GLI2: variants seen among roughly 807,000 people sequenced by gnomAD.
GLI2 encodes GLI family zinc finger 2.
In GLI2, 22 loss-of-function variants were observed where a neutral mutation model predicts 78.9. That is an observed-to-expected ratio of 0.28 (90% CI 0.20 to 0.40). The LOEUF is 0.40. Among genes scored for constraint, GLI2 ranks in the 10% least tolerant of loss-of-function variants. The pLI, the probability that GLI2 is intolerant of heterozygous loss-of-function variation, is 1.00. For missense variants in GLI2, 2,097 were observed against 2,213.2 expected, an observed-to-expected ratio of 0.95 and a Z score of 1.05; for synonymous variants, 974 against 963.7, an observed-to-expected ratio of 1.01 and a Z score of -0.20.
intron 2 of GLI2, among the ~76,000 whole-genome samples, chr2:120,814,966 A>G (rs1441757076): frequency 2.0e-5 from 3 of 152,092 alleles, no homozygotes; most frequent in African/African-American, 7.2e-5. Context: ...CTCAAAGACA[A>G]GGGCCAGTGT....
intron 2 of GLI2, among the ~76,000 whole-genome samples, chr2:120,925,899 C>G (rs992547819): frequency 6.6e-6 from 1 of 151,476 alleles, no homozygotes; most frequent in Non-Finnish European, 1.5e-5. Context: ...GGTGAAACCT[C>G]GTCTCTACTA....
intron 2 of GLI2, among the ~76,000 whole-genome samples, chr2:120,846,005 G>A (rs542026122): frequency 2.6e-5 from 4 of 152,304 alleles, no homozygotes; most frequent in African/African-American, 4.8e-5. Context: ...ATCTGGGTCT[G>A]TAACTGGACA....
At chr2:120,870,855 T>G (rs1365006258) in intron 2 of GLI2, among the ~76,000 whole-genome samples, 1 of 152,188 alleles carries the variant, frequency 6.6e-6, no homozygotes, top group Non-Finnish European at 1.5e-5. Flanking sequence ...GCAACCTGCA[T>G]GCCCACCTTC....
chr2:120,771,406 C>T (rs963787787), intron 1 of GLI2, among the ~76,000 whole-genome samples: 4 of 152,244 alleles, frequency 2.6e-5, no homozygotes, highest in South Asian at 2.1e-4. Context: ...GCTTGGCCTC[C>T]GCATCTGTAA....
intron 1 of GLI2, among the ~76,000 whole-genome samples, chr2:120,785,252 G>A (rs898591630): frequency 7.2e-5 from 11 of 152,130 alleles, no homozygotes; most frequent in African/African-American, 2.4e-4. Flanking sequence ...AGGCAGGAGC[G>A]AGGCTTATCC....
intron 2 of GLI2, among the ~76,000 whole-genome samples, chr2:120,890,123 C>T (rs1460269106): frequency 6.6e-6 from 1 of 152,232 alleles, no homozygotes; most frequent in Non-Finnish European, 1.5e-5. Context: ...GAATACTACT[C>T]AGCAGTGAAA....
chr2:120,776,370 G>A (rs1683677505), intron 1 of GLI2, among the ~76,000 whole-genome samples: 1 of 152,200 alleles, frequency 6.6e-6, no homozygotes, highest in Non-Finnish European at 1.5e-5. Context: ...TGGGCTCTGG[G>A]ATGCTTGGTT....
chr2:120,787,646 G>A (rs1684034964), intron 1 of GLI2, among the ~76,000 whole-genome samples: 2 of 152,342 alleles, frequency 1.3e-5, no homozygotes, highest in African/African-American at 4.8e-5. Flanking sequence ...TCGCGCTTCA[G>A]GAATACACAA....
intron 5 of GLI2, among the ~76,000 whole-genome samples, chr2:120,962,957 T>C (rs556799473): frequency 6.6e-6 from 1 of 152,332 alleles, no homozygotes; most frequent in South Asian, 2.1e-4. Context: ...TTGTAAGTAA[T>C]AGGAGCCTTT....
intron 3 of GLI2, among the ~76,000 whole-genome samples, chr2:120,939,930 C>T (rs1413242926): frequency 6.6e-6 from 1 of 152,300 alleles, no homozygotes; most frequent in Non-Finnish European, 1.5e-5. Flanking sequence ...ATATCCTTGC[C>T]CCATCACTTT....
chr2:120,748,957 C>T (rs996660608), intron 1 of GLI2, among the ~76,000 whole-genome samples: 2 of 152,092 alleles, frequency 1.3e-5, no homozygotes, highest in South Asian at 2.1e-4. Flanking sequence ...TCCATCCATC[C>T]ATCCATCCTT....
chr2:120,874,796 G>T (rs1237114602), intron 2 of GLI2, among the ~76,000 whole-genome samples: 1 of 152,184 alleles, frequency 6.6e-6, no homozygotes, highest in Admixed American at 6.5e-5. Flanking sequence ...GAAGAAAAGA[G>T]TAGGAAATGC....
intron 2 of GLI2, among the ~76,000 whole-genome samples, chr2:120,858,774 G>GC (rs1001666115): frequency 3.9e-5 from 6 of 152,220 alleles, no homozygotes; most frequent in African/African-American, 1.4e-4. Context: ...GGCCTGCAGT[G>GC]CTGGGGGGCA....
chr2:120,780,308 G>C (rs929013972), intron 1 of GLI2, among the ~76,000 whole-genome samples: 1 of 152,210 alleles, frequency 6.6e-6, no homozygotes, highest in Non-Finnish European at 1.5e-5. Flanking sequence ...GCTGGGGGCT[G>C]AGAGCTCGCC....
rs150939954 is a variant in GLI2, at chr2:120,796,580, G to A, written c.-30-711G>A. Among the ~76,000 whole-genome samples the A allele has an allele frequency of 2.2e-4, 34 of 152,306 alleles. 2 individuals are homozygous for A. In the East Asian group the frequency reaches 6.6e-3, roughly 29 times the overall value. On this transcript the variant is annotated intron_variant, in intron 1 of 13. Transcript: ENST00000361492. Reference sequence around the variant, plus strand: ...AGGCATCCCATCCCTACCCCAGAGAGGCCTGGCAGCGCTGCCCCGCTGTGC... The same window carrying A: ...AGGCATCCCATCCCTACCCCAGAGAAGCCTGGCAGCGCTGCCCCGCTGTGC...
chr2:120,978,532 G>A lies in GLI2; in HGVS notation c.1416G>A (p.Met472Ile). ...REQKPFKAQY[M>I]LVVHMRRHTG... is the part of the protein sequence containing the mutation. Reference sequence around the variant, plus strand: ...AGAAGCCCTTCAAGGCGCAGTACATGCTGGTGGTGCACATGCGGCGACACA... The same window carrying A: ...AGAAGCCCTTCAAGGCGCAGTACATACTGGTGGTGCACATGCGGCGACACA... Residue 472 changes from methionine to isoleucine, a missense_variant, in exon 10 of 14, where the codon ATG becomes ATA. Coordinates refer to ENST00000361492, the MANE Select transcript of GLI2 (RefSeq NM_001374353.1). 1 of 1,614,144 alleles carries A rather than the reference G, an allele frequency of 6.2e-7. No homozygotes were observed.
chr2:120,947,443 A>T (rs1680764730), intron 3 of GLI2, among the ~76,000 whole-genome samples: 1 of 152,204 alleles, frequency 6.6e-6, no homozygotes, highest in African/African-American at 2.4e-5. Flanking sequence ...CTGGGGAGAT[A>T]CCAGGTAAGA....
intron 1 of GLI2, among the ~76,000 whole-genome samples, chr2:120,761,723 C>T (rs1207510160): frequency 6.6e-6 from 1 of 152,186 alleles, no homozygotes; most frequent in Non-Finnish European, 1.5e-5. Flanking sequence ...CCTGCCTGCC[C>T]CACGGTGCTG....
intron 9 of GLI2, among the ~76,000 whole-genome samples, chr2:120,977,795 C>T (rs947116526): frequency 1.3e-5 from 2 of 152,214 alleles, no homozygotes; most frequent in African/African-American, 4.8e-5. Context: ...AGTTCTGGCT[C>T]CACCACGCCG....
Sources: allele counts gnomAD v4.1 joint callset (sites outside exome capture counted in the v4.1 genomes callset), GRCh38; gene constraint gnomAD v4.1.1; transcripts MANE v1.5; gene names NCBI Gene and HGNC (gene_info 2026-07-23, HGNC 2026-07-21).